The following SH2D4B variants were observed in gnomAD, a reference collection of about 807,000 sequenced individuals.
The protein encoded by SH2D4B is SH2 domain-containing protein 4B.
A neutral mutation model predicts 61.5 loss-of-function variants in SH2D4B; 45 were observed. The ratio of observed to expected loss-of-function variants is 0.73; its 90% CI spans 0.58 to 0.94. SH2D4B has a LOEUF of 0.94. Ranked by LOEUF, SH2D4B falls within the 40% of genes least tolerant of loss-of-function variation. The pLI, the probability that SH2D4B is intolerant of heterozygous loss-of-function variation, is 0.00. For missense variants in SH2D4B, 572 were observed against 574.2 expected (o/e 1.00, Z 0.04); for synonymous variants, 224 against 220.4 (o/e 1.02, Z -0.14).
chr10:80,606,503 C>A (rs1416836126), intron 5 of SH2D4B, among the ~76,000 whole-genome samples: 2 of 151,966 alleles, frequency 1.3e-5, no homozygotes, highest in Non-Finnish European at 2.9e-5. Context: ...CGCGCCAGTA[C>A]ACCCGGCTAA....
At chr10:80,637,304 G>GT (rs1402149778) in intron 7 of SH2D4B, among the ~76,000 whole-genome samples, 1 of 152,156 alleles carries the variant, frequency 6.6e-6, no homozygotes, top group East Asian at 1.9e-4. Context: ...CTTTAAAGTG[G>GT]TTTTTTCCAA....
chr10:80,592,946 T>C (rs1198212361), intron 4 of SH2D4B, among the ~76,000 whole-genome samples: 5 of 152,126 alleles, frequency 3.3e-5, no homozygotes, highest in African/African-American at 9.7e-5. Context: ...CTTGAACTCC[T>C]GAGCTTAAAC....
At position 80,603,605 on chromosome 10, in the gene SH2D4B, G is replaced by T; in HGVS notation, c.670G>T (p.Glu224Ter). 6.4e-7 allele frequency: 1 copy of T among 1,570,826 alleles called. No homozygotes were observed. Among genetic ancestry groups the T allele is most frequent in the South Asian group, 1.2e-5 (1 of 85,794 alleles). The stretch of plus-strand genomic sequence containing the variant: ...GCGCCGGTCCAAGGCGGCTGATGAG[G>T]AGAGGAGCCGCCGAGCCCAGCGCGC... The part of the protein sequence containing the change: ...QLRRSKAADE[E>*]RSRRAQRARD... Residue 224 changes from glutamate to a stop codon, truncating the protein, a stop_gained, in exon 5 of 8, where the codon GAG (glutamate) becomes TAG (stop). Coordinates refer to ENST00000646907, the MANE Select transcript of SH2D4B (RefSeq NM_001388272.1). LOFTEE classifies it high-confidence loss of function.
intron 5 of SH2D4B, among the ~76,000 whole-genome samples, chr10:80,606,399 A>C (rs142066926): frequency 0.023 from 3,556 of 152,078 alleles, 52 homozygotes; most frequent in Middle Eastern, 0.066. Flanking sequence ...GCTGGAGTGC[A>C]GTGGTGGTCC....
At chr10:80,545,021 T>A (rs1353989849) in intron 1 of SH2D4B, among the ~76,000 whole-genome samples, 1 of 152,214 alleles carries the variant, frequency 6.6e-6, no homozygotes, top group East Asian at 1.9e-4. Flanking sequence ...AATCTCTCTC[T>A]TTCAAAACCT....
At chr10:80,639,725 C>G (rs533523705) in intron 7 of SH2D4B, among the ~76,000 whole-genome samples, 1 of 152,238 alleles carries the variant, frequency 6.6e-6, no homozygotes, top group South Asian at 2.1e-4. Flanking sequence ...GGGTCTTGAT[C>G]TTTATCCAAT....
At chr10:80,629,307 C>T (rs1842804249) in intron 6 of SH2D4B, among the ~76,000 whole-genome samples, 2 of 152,316 alleles carry the variant, frequency 1.3e-5, no homozygotes, top group Middle Eastern at 3.4e-3. Context: ...AGAACTCACT[C>T]ACTATCCTGA....
rs180821189 is a variant in SH2D4B at position 80,616,516 on chromosome 10, G to A, written c.988+6965G>A. Among the ~76,000 whole-genome samples, 3 of 152,298 alleles carry A rather than the reference G, an allele frequency of 2.0e-5. No homozygotes were observed. The East Asian group carries it at 5.8e-4, about 29-fold the overall frequency. On this transcript the variant is annotated intron_variant, in intron 6 of 7. Coordinates refer to ENST00000646907, the MANE Select transcript of SH2D4B (RefSeq NM_001388272.1). ...GTAGGAAAGCGTAGGTTGTAATGGT[G>A]TTCCTGAAATTTTAACCCTTTTCTA...
intron 6 of SH2D4B, among the ~76,000 whole-genome samples, chr10:80,632,083 T>C (rs1164974528): frequency 6.6e-6 from 1 of 151,996 alleles, no homozygotes; most frequent in African/African-American, 2.4e-5. Flanking sequence ...AGCATCTTCA[T>C]GCCCAAGTTA....
In SH2D4B at chr10:80,644,346, G is replaced by T. The variant is rs1840359727; in HGVS notation, c.*261G>T. ...TGACCTTAGAAGACAAAGCCTGTTT[G>T]TCATGGCTGCCGTAAACCGAGCTCT... On this transcript the variant is annotated 3_prime_UTR_variant, in exon 8 of 8. Transcript: ENST00000646907. 2.5e-6 allele frequency: 1 copy of T among 393,476 alleles called. No homozygotes were observed. Among genetic ancestry groups the T allele is most frequent in the African/African-American group, 2.0e-5 (1 of 48,982 alleles). The allele number at this position is 393,476 out of a possible 1,614,324, so 24.4% of individuals were successfully genotyped here.
intron 4 of SH2D4B, among the ~76,000 whole-genome samples, chr10:80,589,465 G>A (rs1242041807): frequency 6.6e-6 from 1 of 152,174 alleles, no homozygotes; most frequent in Non-Finnish European, 1.5e-5. Flanking sequence ...CTTGAACCCA[G>A]GAGGTCGAGG....
chr10:80,602,399 G>T (rs1222117784), intron 4 of SH2D4B, among the ~76,000 whole-genome samples: 1 of 152,118 alleles, frequency 6.6e-6, no homozygotes, highest in African/African-American at 2.4e-5. Context: ...GGAGGTTGAG[G>T]TTGCAGTGAG....
chr10:80,576,647 C>T (rs79207756), intron 3 of SH2D4B, among the ~76,000 whole-genome samples: 6,413 of 152,280 alleles, frequency 0.042, 427 homozygotes, highest in East Asian at 0.32. Context: ...ATGGGATTTG[C>T]GGCAAATTGT....
intron 6 of SH2D4B, among the ~76,000 whole-genome samples, chr10:80,617,796 T>C: frequency 6.6e-6 from 1 of 152,212 alleles, no homozygotes; most frequent in East Asian, 1.9e-4. Context: ...TTGTTTTCAT[T>C]ACCAAGCAAT....
At chr10:80,567,056 TG>T (rs1429159396) in intron 1 of SH2D4B, among the ~76,000 whole-genome samples, 1 of 152,220 alleles carries the variant, frequency 6.6e-6, no homozygotes, top group East Asian at 1.9e-4. Context: ...CAGTTTGATG[TG>T]GGTTGGATAT....
At chr10:80,550,160 C>T (rs1841739460) in intron 1 of SH2D4B, among the ~76,000 whole-genome samples, 1 of 152,060 alleles carries the variant, frequency 6.6e-6, no homozygotes, top group African/African-American at 2.4e-5. Context: ...GCATTCTATA[C>T]TATGAAGGAG....
intron 1 of SH2D4B, among the ~76,000 whole-genome samples, chr10:80,564,394 G>T (rs945839562): frequency 7.2e-5 from 11 of 152,110 alleles, no homozygotes; most frequent in Non-Finnish European, 1.3e-4. Context: ...CCCATTAGCC[G>T]CACTTGCAAG....
intron 6 of SH2D4B, among the ~76,000 whole-genome samples, chr10:80,610,845 G>A (rs905187685): frequency 4.6e-5 from 7 of 152,128 alleles, no homozygotes; most frequent in African/African-American, 1.7e-4. Context: ...TTTAGTCTGC[G>A]CCTCAGCCTG....
In SH2D4B at chr10:80,570,230, T is replaced by C. The variant is rs192169537; in HGVS notation, c.261T>C (p.Pro87=). The stretch of plus-strand genomic sequence containing the variant: ...GGGTCTGGATCATGGGAGAAGGCCC[T>C]GGTGACAAGCCCTACGAAGAGATCT... The part of the protein sequence containing the change: ...EVWVWIMGEG[P]GDKPYEEISE... The change falls in exon 2 of 8, where the codon CCT becomes CCC. Residue 87 remains proline, a synonymous_variant. Transcript: ENST00000646907. 6.2e-6 allele frequency: 10 copies of C among 1,613,978 alleles called. No homozygotes were observed. Among genetic ancestry groups the C allele is most frequent in the Non-Finnish European group, 5.9e-6 (7 of 1,180,018 alleles).
Sources: gnomAD v4.1 joint callset for allele counts (sites outside exome capture counted in the v4.1 genomes callset) on GRCh38, gnomAD v4.1.1 for gene constraint, MANE v1.5 for transcripts, NCBI Gene and HGNC (gene_info 2026-07-23, HGNC 2026-07-21) for gene names.